Variants in CMC1 observed in about 807,000 individuals in gnomAD.
CMC1 encodes the protein COX assembly mitochondrial protein homolog.
A neutral mutation model predicts 14.1 loss-of-function variants in CMC1; 14 were observed. The observed-to-expected ratio is 0.99, with a 90% confidence interval of 0.66 to 1.55. The LOEUF (loss-of-function observed/expected upper bound fraction) is 1.55, where lower values mean the gene tolerates loss of function less well. Among genes scored for constraint, CMC1 ranks in the 40% most tolerant of loss-of-function variants. CMC1 has a pLI of 0.00. For synonymous variants in CMC1, 50 were observed against 38.4 expected (o/e 1.30, Z -1.12); for missense variants, 127 against 123.8 (o/e 1.03, Z -0.12).
chr3:28,268,855 T>G (rs956229934), intron 2 of CMC1, among the ~76,000 whole-genome samples: 1 of 152,228 alleles, frequency 6.6e-6, no homozygotes, highest in African/African-American at 2.4e-5. Context: ...TAAAAATAAC[T>G]GAACAAAGTA....
At chr3:28,256,757 A>G (rs572555807) in intron 1 of CMC1, among the ~76,000 whole-genome samples, 12 of 152,226 alleles carry the variant, frequency 7.9e-5, no homozygotes, top group Non-Finnish European at 1.5e-4. Context: ...TTTAAACAAA[A>G]TTTGAGCATC....
chr3:28,263,466 C>A, intron 2 of CMC1, 86 bp downstream of exon 2: 2 of 839,476 alleles, frequency 2.4e-6, no homozygotes, highest in Non-Finnish European at 1.8e-6. Context: ...ATCAAGTAGT[C>A]AATGAATTAA....
At chr3:28,311,276 G>A (rs1291311872) in intron 2 of CMC1, among the ~76,000 whole-genome samples, 1 of 151,834 alleles carries the variant, frequency 6.6e-6, no homozygotes, top group Admixed American at 6.6e-5. Context: ...CATCCAGTCT[G>A]GAATTAAGTT....
chr3:28,291,688 T>C (rs1701476656), intron 2 of CMC1: 1 of 152,210 alleles, frequency 6.6e-6, no homozygotes, highest in Admixed American at 6.6e-5. Flanking sequence ...GAATGCTCTT[T>C]AACACTTCTG....
chr3:28,266,954 A>G (rs532838757), intron 2 of CMC1, among the ~76,000 whole-genome samples: 1 of 152,274 alleles, frequency 6.6e-6, no homozygotes, highest in East Asian at 1.9e-4. Context: ...AGAATGGCCA[A>G]ATCGCTTTCT....
chr3:28,304,291 T>C (rs1201336897), intron 2 of CMC1, among the ~76,000 whole-genome samples: 1 of 152,070 alleles, frequency 6.6e-6, no homozygotes, highest in East Asian at 1.9e-4. Flanking sequence ...TTTATATTCC[T>C]TTTGTCACTG....
At chr3:28,256,558 G>C (rs1340493150) in intron 1 of CMC1, among the ~76,000 whole-genome samples, 1 of 152,102 alleles carries the variant, frequency 6.6e-6, no homozygotes, top group Non-Finnish European at 1.5e-5. Context: ...ACCATCACAG[G>C]TGGTTTTTAA....
At chr3:28,268,749 C>T (rs1192772549) in intron 2 of CMC1, among the ~76,000 whole-genome samples, 1 of 152,162 alleles carries the variant, frequency 6.6e-6, no homozygotes, top group South Asian at 2.1e-4. Context: ...AGTTACTTAG[C>T]AGTAACTATT....
At chr3:28,298,226 A>G (rs2125567201) in intron 2 of CMC1, 1 of 151,516 alleles carries the variant, frequency 6.6e-6, no homozygotes, top group South Asian at 2.1e-4. Flanking sequence ...TAGGTAACTC[A>G]TATGGCTCAT....
Position 28,319,680 on chromosome 3 carries a change from T to C in CMC1, c.*51T>C. ...ACTCTAATATTCATGGAAGTCATTT[T>C]ATAGTCCTTAAATAATGGACTCAAG... On this transcript the variant is annotated 3_prime_UTR_variant, in exon 4 of 4. Transcript: ENST00000466830. 6.7e-7 allele frequency: 1 copy of C among 1,494,008 alleles called. No individual in the cohort carries two copies. The highest frequency in any genetic ancestry group is 9.1e-7 in the Non-Finnish European group (1 of 1,102,366). 92.5% of individuals were successfully genotyped at this position (1,494,008 alleles called of 1,614,324 possible).
intron 2 of CMC1, among the ~76,000 whole-genome samples, chr3:28,276,380 C>T (rs1041897787): frequency 2.7e-4 from 41 of 152,142 alleles, no homozygotes; most frequent in African/African-American, 9.6e-4. Context: ...TACATTTGAA[C>T]ACAAATGTGA....
chr3:28,259,008 G>C (rs1699586658), intron 1 of CMC1, among the ~76,000 whole-genome samples: 1 of 152,098 alleles, frequency 6.6e-6, no homozygotes, highest in South Asian at 2.1e-4. Flanking sequence ...GACTTCTGTA[G>C]TTTTGTAGTA....
At chr3:28,258,789 T>G (rs1020720613) in intron 1 of CMC1, among the ~76,000 whole-genome samples, 27 of 151,734 alleles carry the variant, frequency 1.8e-4, no homozygotes, top group African/African-American at 6.5e-4. Context: ...CCGGGTCATT[T>G]TTTATATTTT....
At chr3:28,303,605 C>G (rs1261489208) in intron 2 of CMC1, among the ~76,000 whole-genome samples, 5 of 151,788 alleles carry the variant, frequency 3.3e-5, no homozygotes, top group Non-Finnish European at 5.9e-5. Flanking sequence ...TGATCTTTGT[C>G]AAAGAAGTTA....
chr3:28,300,459 T>C (rs1701966254), intron 2 of CMC1, among the ~76,000 whole-genome samples: 1 of 152,084 alleles, frequency 6.6e-6, no homozygotes, highest in Non-Finnish European at 1.5e-5. Flanking sequence ...TAAACAGCAA[T>C]TTAGGGCAGA....
intron 2 of CMC1, among the ~76,000 whole-genome samples, chr3:28,295,559 A>G (rs1701695083): frequency 5.3e-5 from 8 of 151,934 alleles, no homozygotes; most frequent in Admixed American, 5.3e-4. Context: ...ATAACTTCCT[A>G]CACCCCTTAA....
chr3:28,261,142 G>A (rs1008811719), intron 1 of CMC1, among the ~76,000 whole-genome samples: 4 of 151,778 alleles, frequency 2.6e-5, no homozygotes, highest in Non-Finnish European at 5.9e-5. Flanking sequence ...TTTGTAATAT[G>A]ACATATATTT....
Position 28,241,761 on chromosome 3 carries a change from G to C in CMC1, c.-33G>C, listed in dbSNP as rs1489857606. ...TCCCCTTCCTGCGTGCCCCGGAGCCGCCAAGCGGCTACGTTCTTCTCGGCC... is the reference window on the plus strand; with the variant it reads ...TCCCCTTCCTGCGTGCCCCGGAGCCCCCAAGCGGCTACGTTCTTCTCGGCC... On this transcript the variant is annotated 5_prime_UTR_variant, in exon 1 of 4. Transcript: ENST00000466830. 9 of 1,241,506 alleles carry C rather than the reference G, an allele frequency of 7.2e-6. No individual in the cohort carries two copies. The East Asian group carries it at 2.8e-4, about 39-fold the overall frequency. 76.9% of individuals were successfully genotyped at this position (1,241,506 alleles called of 1,614,324 possible). A position where few individuals can be genotyped will look rare whatever the true frequency, so the allele number is the denominator to read the frequency against.
chr3:28,308,850 G>A (rs1417603938), intron 2 of CMC1, among the ~76,000 whole-genome samples: 2 of 152,110 alleles, frequency 1.3e-5, no homozygotes, highest in South Asian at 4.1e-4. Context: ...CTGTGTGGTG[G>A]CGCATGCCTG....
Sources: allele counts gnomAD v4.1 joint callset (sites outside exome capture counted in the v4.1 genomes callset), GRCh38; gene constraint gnomAD v4.1.1; transcripts MANE v1.5; gene names NCBI Gene and HGNC (gene_info 2026-07-23, HGNC 2026-07-21).